The following THSD4 variants were observed in gnomAD, a reference collection of about 807,000 sequenced individuals.
THSD4 encodes thrombospondin type 1 domain containing 4.
A neutral mutation model predicts 119.0 loss-of-function variants in THSD4; 69 were observed. The observed-to-expected ratio is 0.58, with a 90% CI of 0.48 to 0.71. The LOEUF (loss-of-function observed/expected upper bound fraction) is 0.71, where lower values mean the gene tolerates loss of function less well. THSD4 is among the 30% of genes least tolerant of loss of function. The pLI is 0.00. For synonymous variants in THSD4, 524 were observed against 540.4 expected (o/e 0.97, Z 0.42); for missense variants, 1,393 against 1,391.1 (o/e 1.00, Z -0.02).
intron 7 of THSD4, among the ~76,000 whole-genome samples, chr15:71,430,098 AT>A (rs113094661): frequency 0.025 from 3,733 of 148,034 alleles, 181 homozygotes; most frequent in African/African-American, 0.085. Flanking sequence ...TGTTGTGGTG[AT>A]TTTTTTTTTT....
chr15:71,451,553 G>A (rs1038613481), intron 7 of THSD4, among the ~76,000 whole-genome samples: 1 of 152,200 alleles, frequency 6.6e-6, no homozygotes, highest in African/African-American at 2.4e-5. Context: ...ATATTTTGGG[G>A]TGGCATTTCC....
At chr15:71,249,496 CTTA>C (rs1218410647) in intron 5 of THSD4, among the ~76,000 whole-genome samples, 1 of 148,744 alleles carries the variant, frequency 6.7e-6, no homozygotes, top group East Asian at 2.0e-4. Flanking sequence ...AAGTTGTTCT[CTTA>C]TTGACTTCAT....
chr15:71,633,952 C>T (rs2050686995), intron 7 of THSD4, among the ~76,000 whole-genome samples: 1 of 152,110 alleles, frequency 6.6e-6, no homozygotes, highest in Admixed American at 6.5e-5. Context: ...TTTGGGAGGC[C>T]AAGGCAGGCG....
chr15:71,605,316 T>G (rs1311735132), intron 7 of THSD4, among the ~76,000 whole-genome samples: 1 of 152,236 alleles, frequency 6.6e-6, no homozygotes, highest in Non-Finnish European at 1.5e-5. Context: ...CGTCCTGGTT[T>G]GGATGAGAAA....
rs142465137 is a variant in THSD4 at position 71,631,618 on chromosome 15, A to C, written c.1153-28912A>C. ...AGGATGTATCTTAGAGATTTTGAAA[A>C]GGAAAAGTATGCTGAGTCTTTGAGG... On this transcript the variant is annotated intron_variant, in intron 7 of 17. Transcript: ENST00000261862. 1.7e-3 allele frequency among the ~76,000 whole-genome samples: 255 copies of C among 152,314 alleles called. 1 individual carries two copies. The highest frequency in any genetic ancestry group is 6.0e-3 in the African/African-American group (248 of 41,570).
chr15:71,742,602 C>G (rs2053257872), intron 11 of THSD4, among the ~76,000 whole-genome samples: 1 of 152,196 alleles, frequency 6.6e-6, no homozygotes, highest in Admixed American at 6.5e-5. Context: ...GAAGCCCAGC[C>G]AGTGCCTGAC....
chr15:71,642,672 T>G (rs1001534060), intron 7 of THSD4, among the ~76,000 whole-genome samples: 2 of 149,372 alleles, frequency 1.3e-5, no homozygotes, highest in Non-Finnish European at 2.9e-5. Context: ...AAGTTGGAAA[T>G]CATCATTCTC....
rs770097031 is a variant in THSD4, at chr15:71,660,680, G to A, written c.1303G>A (p.Glu435Lys). The A allele has an allele frequency of 8.1e-6, 13 of 1,614,102 alleles. No homozygotes were observed. Among genetic ancestry groups the A allele is most frequent in the South Asian group, 5.5e-5 (5 of 91,066 alleles). Reference sequence around the variant, plus strand: ...CTACCACCGCGTCGTGGAGATTCCCGAGGGAGCCACGAAAATCAACATCAC... The same window carrying A: ...CTACCACCGCGTCGTGGAGATTCCCAAGGGAGCCACGAAAATCAACATCAC... ...LGYHRVVEIPEGATKINITEM... is the reference protein window; with the variant it reads ...LGYHRVVEIPKGATKINITEM... The change falls in exon 8 of 18, where the codon GAG becomes AAG. Residue 435 changes from glutamate (E) to lysine (K), a missense_variant. Transcript: ENST00000261862.
At chr15:71,592,509 T>A (rs1179489748) in intron 7 of THSD4, among the ~76,000 whole-genome samples, 1 of 152,126 alleles carries the variant, frequency 6.6e-6, no homozygotes, top group East Asian at 1.9e-4. Flanking sequence ...AACCATGCCC[T>A]CCTGGGTAGT....
At chr15:71,339,453 C>T (rs1440033742) in intron 6 of THSD4, among the ~76,000 whole-genome samples, 1 of 152,090 alleles carries the variant, frequency 6.6e-6, no homozygotes, top group East Asian at 1.9e-4. Flanking sequence ...GATCACAGTG[C>T]ATTACTTTAT....
intron 7 of THSD4, among the ~76,000 whole-genome samples, chr15:71,465,761 G>GCAATA (rs2047490397): frequency 6.6e-6 from 1 of 152,204 alleles, no homozygotes; most frequent in Admixed American, 6.5e-5. Context: ...TGTAAAGCAT[G>GCAATA]CAATATCAGC....
At chr15:71,340,109 T>C (rs1260514209) in intron 6 of THSD4, among the ~76,000 whole-genome samples, 1 of 152,200 alleles carries the variant, frequency 6.6e-6, no homozygotes, top group African/African-American at 2.4e-5. Context: ...CTAGGCTTCA[T>C]TATTGCATTT....
At chr15:71,540,575 C>G (rs529360861) in intron 7 of THSD4, among the ~76,000 whole-genome samples, 5 of 138,682 alleles carry the variant, frequency 3.6e-5, no homozygotes, top group African/African-American at 1.4e-4. Flanking sequence ...ATTACAAGCA[C>G]GTGCCACCAC....
chr15:71,247,748 G>A (rs770758018), intron 5 of THSD4, among the ~76,000 whole-genome samples: 2 of 152,190 alleles, frequency 1.3e-5, no homozygotes, highest in African/African-American at 4.8e-5. Flanking sequence ...GCAACACAGG[G>A]CGGAAGTCAT....
intron 6 of THSD4, among the ~76,000 whole-genome samples, chr15:71,383,857 A>G (rs2046258773): frequency 6.6e-6 from 1 of 152,232 alleles, no homozygotes; most frequent in African/African-American, 2.4e-5. Context: ...TTTCAAGTAT[A>G]CAAGAGGATG....
intron 7 of THSD4, among the ~76,000 whole-genome samples, chr15:71,571,061 G>C (rs1384279233): frequency 6.6e-6 from 1 of 152,184 alleles, no homozygotes; most frequent in South Asian, 2.1e-4. Flanking sequence ...AACTCCCTAT[G>C]AGCCTGAGGT....
chr15:71,740,524 T>C (rs2053214454), intron 11 of THSD4, among the ~76,000 whole-genome samples: 1 of 152,160 alleles, frequency 6.6e-6, no homozygotes, highest in African/African-American at 2.4e-5. Context: ...CCGGAGCCCA[T>C]AGGCCTTGTG....
At chr15:71,295,711 T>G (rs2044853484) in intron 6 of THSD4, among the ~76,000 whole-genome samples, 1 of 151,376 alleles carries the variant, frequency 6.6e-6, no homozygotes, top group South Asian at 2.1e-4. Context: ...CTCTATTGAG[T>G]CACATTTTAC....
intron 6 of THSD4, among the ~76,000 whole-genome samples, chr15:71,280,801 AG>A (rs1212025647): frequency 6.6e-6 from 1 of 152,206 alleles, no homozygotes; most frequent in South Asian, 2.1e-4. Context: ...TCCTTCAAAA[AG>A]GTCCATCTGC....
Sources: allele counts gnomAD v4.1 joint callset (sites outside exome capture counted in the v4.1 genomes callset), GRCh38; gene constraint gnomAD v4.1.1; transcripts MANE v1.5; gene names NCBI Gene and HGNC (gene_info 2026-07-23, HGNC 2026-07-21).